The following L3MBTL4 variants were observed in gnomAD, a reference collection of about 807,000 sequenced individuals.
L3MBTL4 encodes the protein L3MBTL histone methyl-lysine binding protein 4.
L3MBTL4 carries 70 observed loss-of-function variants against 84.5 expected under a neutral mutation model. The ratio of observed to expected loss-of-function variants is 0.83; its 90% CI spans 0.68 to 1.01. The LOEUF (loss-of-function observed/expected upper bound fraction) is 1.01, where lower values mean the gene tolerates loss of function less well. Among genes scored for constraint, L3MBTL4 ranks in the 50% least tolerant of loss-of-function variants. The pLI is 0.00. For missense variants in L3MBTL4, 715 were observed against 754.8 expected, an observed-to-expected ratio of 0.95 and a Z score of 0.62; for synonymous variants, 274 against 259.8, an observed-to-expected ratio of 1.05 and a Z score of -0.52.
intron 13 of L3MBTL4, among the ~76,000 whole-genome samples, chr18:6,158,642 A>C (rs912795006): frequency 2.0e-5 from 3 of 152,072 alleles, no homozygotes; most frequent in Non-Finnish European, 4.4e-5. Flanking sequence ...TATAAATAGG[A>C]GGTCTTAAAA....
chr18:6,158,696 A>G (rs974855526), intron 13 of L3MBTL4, among the ~76,000 whole-genome samples: 1 of 152,220 alleles, frequency 6.6e-6, no homozygotes, highest in Admixed American at 6.5e-5. Flanking sequence ...ATCTGTAGAA[A>G]GAGATCCCAC....
chr18:6,256,871 A>T (rs1283111385), intron 5 of L3MBTL4: 1 of 152,462 alleles, frequency 6.6e-6, no homozygotes, highest in Non-Finnish European at 1.5e-5. Context: ...TGGTCGAACC[A>T]AGGCAAGTTG....
At chr18:5,965,687 C>A (rs1405496226) in intron 17 of L3MBTL4, among the ~76,000 whole-genome samples, 2 of 152,276 alleles carry the variant, frequency 1.3e-5, no homozygotes, top group East Asian at 3.9e-4. Flanking sequence ...ATCACAAAGC[C>A]CCCATTTTCA....
chr18:6,105,221 C>T (rs1373792618), intron 14 of L3MBTL4, among the ~76,000 whole-genome samples: 1 of 128,854 alleles, frequency 7.8e-6, no homozygotes, highest in South Asian at 2.5e-4. Context: ...GACAGAATCT[C>T]GCTCTGTCTC....
At chr18:6,343,589 G>A (rs2143568089) in intron 1 of L3MBTL4, among the ~76,000 whole-genome samples, 1 of 150,046 alleles carries the variant, frequency 6.7e-6, no homozygotes, top group Admixed American at 6.7e-5. Context: ...GTGAACCCAA[G>A]AGGCAGAGCT....
intron 16 of L3MBTL4, among the ~76,000 whole-genome samples, chr18:6,071,683 G>GAGAAAGAA (rs200360798): frequency 4.9e-5 from 5 of 102,220 alleles, no homozygotes; most frequent in African/African-American, 1.2e-4. Context: ...AAAAGAAAGA[G>GAGAAAGAA]AGAAAGAAAG....
intron 1 of L3MBTL4, among the ~76,000 whole-genome samples, chr18:6,317,430 A>C (rs1377415760): frequency 1.3e-5 from 2 of 152,212 alleles, no homozygotes; most frequent in Non-Finnish European, 2.9e-5. Flanking sequence ...ACATCTGGAA[A>C]TGAAAGACAC....
At chr18:6,354,490 A>G (rs1265142044) in intron 1 of L3MBTL4, among the ~76,000 whole-genome samples, 1 of 152,208 alleles carries the variant, frequency 6.6e-6, no homozygotes, top group Non-Finnish European at 1.5e-5. Context: ...AAGTGAAGAG[A>G]CAACCCACAG....
At chr18:5,972,346 C>T (rs2052677651) in intron 16 of L3MBTL4, among the ~76,000 whole-genome samples, 1 of 152,098 alleles carries the variant, frequency 6.6e-6, no homozygotes, top group Non-Finnish European at 1.5e-5. Context: ...GAGGGAGTCC[C>T]TGGATAGGGA....
At chr18:6,355,261 C>T (rs1348704993) in intron 1 of L3MBTL4, among the ~76,000 whole-genome samples, 1 of 152,210 alleles carries the variant, frequency 6.6e-6, no homozygotes, top group Non-Finnish European at 1.5e-5. Context: ...GATTATTATG[C>T]ATTGCATGCC....
At chr18:6,248,018 T>G (rs1206371259) in intron 5 of L3MBTL4, among the ~76,000 whole-genome samples, 1 of 152,120 alleles carries the variant, frequency 6.6e-6, no homozygotes, top group Non-Finnish European at 1.5e-5. Flanking sequence ...TGCACATATA[T>G]GTACATTAAC....
At chr18:6,047,907 C>A (rs2056689850) in intron 16 of L3MBTL4, among the ~76,000 whole-genome samples, 1 of 152,150 alleles carries the variant, frequency 6.6e-6, no homozygotes. Flanking sequence ...CTAGCCAGAG[C>A]AATCAGGCAA....
At chr18:6,300,381 G>A (rs1369292134) in intron 4 of L3MBTL4, among the ~76,000 whole-genome samples, 1 of 152,126 alleles carries the variant, frequency 6.6e-6, no homozygotes, top group Admixed American at 6.5e-5. Flanking sequence ...CAGATTTAAA[G>A]AAGAGTCAGC....
At chr18:6,358,872 T>C (rs547866348) in intron 1 of L3MBTL4, among the ~76,000 whole-genome samples, 1 of 152,332 alleles carries the variant, frequency 6.6e-6, no homozygotes, top group South Asian at 2.1e-4. Flanking sequence ...CCTGTGCAGA[T>C]GGGGACCAAG....
At chr18:6,361,051 G>A (rs1214202461) in intron 1 of L3MBTL4, among the ~76,000 whole-genome samples, 1 of 150,936 alleles carries the variant, frequency 6.6e-6, no homozygotes, top group African/African-American at 2.4e-5. Flanking sequence ...TACTGGGTAG[G>A]CAAAGTAAGT....
chr18:6,112,256 G>A lies in L3MBTL4; in HGVS notation c.1200-18728C>T, dbSNP rs531621455. On this transcript the variant is annotated intron_variant, in intron 14 of 18. Coordinates refer to ENST00000317931, the MANE Select transcript of L3MBTL4 (RefSeq NM_001330559.2). ...GTCCTGTTCTGTCTCTAAAATTATA[G>A]ACTTTTAAACCTATTTTTAAAAGGA... Among the ~76,000 whole-genome samples the A allele has an allele frequency of 2.6e-5, 4 of 152,202 alleles. No individual in the cohort carries two copies. The East Asian group carries it at 7.7e-4, about 29-fold the overall frequency.
chr18:6,064,660 A>C (rs1445072638), intron 16 of L3MBTL4, among the ~76,000 whole-genome samples: 2 of 139,590 alleles, frequency 1.4e-5, no homozygotes, highest in Non-Finnish European at 3.1e-5. Flanking sequence ...TTTTTGGCTT[A>C]GTCATTGTTG....
At chr18:6,135,928 C>A (rs2060013592) in intron 14 of L3MBTL4, among the ~76,000 whole-genome samples, 1 of 152,148 alleles carries the variant, frequency 6.6e-6, no homozygotes, top group African/African-American at 2.4e-5. Context: ...TAAAGACATA[C>A]AGGGGACTGG....
intron 17 of L3MBTL4, among the ~76,000 whole-genome samples, chr18:5,964,933 A>G (rs1376676948): frequency 2.0e-5 from 3 of 152,232 alleles, no homozygotes; most frequent in Non-Finnish European, 4.4e-5. Context: ...GATGCTTTGC[A>G]ATAAGATAGC....
Sources: allele counts gnomAD v4.1 joint callset (sites outside exome capture counted in the v4.1 genomes callset), GRCh38; gene constraint gnomAD v4.1.1; transcripts MANE v1.5; gene names NCBI Gene and HGNC (gene_info 2026-07-23, HGNC 2026-07-21).